Variants in TNR observed in about 807,000 individuals in gnomAD.
The protein encoded by TNR is tenascin R.
Under a neutral mutation model 150.4 loss-of-function variants are expected in TNR, and 45 were observed. That is an observed-to-expected ratio of 0.30 (90% CI 0.24 to 0.38). TNR has a LOEUF of 0.38. TNR is among the 10% of genes least tolerant of loss of function. TNR has a pLI of 1.00. For missense variants in TNR, 1,544 were observed against 1,759.1 expected (o/e 0.88, Z 2.19); for synonymous variants, 687 against 678.4 (o/e 1.01, Z -0.20).
intron 1 of TNR, among the ~76,000 whole-genome samples, chr1:175,577,785 C>T (rs866327292): frequency 6.6e-6 from 1 of 152,106 alleles, no homozygotes; most frequent in South Asian, 2.1e-4. Context: ...CAGAGCAGCA[C>T]GAGGAGGGAA....
At chr1:175,418,747 CAG>C (rs1025055506) in intron 2 of TNR, among the ~76,000 whole-genome samples, 2 of 150,208 alleles carry the variant, frequency 1.3e-5, no homozygotes, top group Non-Finnish European at 2.9e-5. Context: ...GCAGTTGAAG[CAG>C]AGTAGAGAAT....
At chr1:175,573,579 G>T (rs1024415722) in intron 1 of TNR, among the ~76,000 whole-genome samples, 2 of 152,236 alleles carry the variant, frequency 1.3e-5, no homozygotes, top group Admixed American at 6.5e-5. Context: ...TCTGCAAAGT[G>T]GGCAAAGACT....
intron 2 of TNR, among the ~76,000 whole-genome samples, chr1:175,440,696 G>A (rs147660685): frequency 8.5e-4 from 130 of 152,148 alleles, no homozygotes; most frequent in Middle Eastern, 3.4e-3. Flanking sequence ...TTTCAGTGTC[G>A]GGGGAGGATT....
At chr1:175,491,141 T>A (rs1447704636) in intron 2 of TNR, among the ~76,000 whole-genome samples, 1 of 152,212 alleles carries the variant, frequency 6.6e-6, no homozygotes, top group Non-Finnish European at 1.5e-5. Flanking sequence ...TCACTGTATG[T>A]TCTCACTTAT....
intron 1 of TNR, among the ~76,000 whole-genome samples, chr1:175,648,231 A>G (rs1308636270): frequency 6.6e-6 from 1 of 152,144 alleles, no homozygotes; most frequent in African/African-American, 2.4e-5. Flanking sequence ...TGCCGCAGCT[A>G]TGTTTCTACC....
intron 4 of TNR, among the ~76,000 whole-genome samples, chr1:175,399,307 C>G (rs577521779): frequency 3.7e-4 from 57 of 152,266 alleles, no homozygotes; most frequent in Non-Finnish European, 7.2e-4. Flanking sequence ...GCATTTGGAA[C>G]AAATCAGCGT....
chr1:175,654,719 C>CTTTTTTT (rs36087120), intron 1 of TNR, among the ~76,000 whole-genome samples: 6 of 74,732 alleles, frequency 8.0e-5, no homozygotes, highest in Non-Finnish European at 1.2e-4. Context: ...AAGTTCCCTT[C>CTTTTTTT]TTTTTTTTTT....
At chr1:175,411,816 A>G (rs1169969381) in intron 2 of TNR, among the ~76,000 whole-genome samples, 1 of 152,020 alleles carries the variant, frequency 6.6e-6, no homozygotes, top group Admixed American at 6.6e-5. Context: ...TGGGGTTAGG[A>G]CTTCAACACG....
intron 1 of TNR, among the ~76,000 whole-genome samples, chr1:175,730,202 C>T (rs1409141): frequency 0.051 from 7,690 of 152,204 alleles, 605 homozygotes; most frequent in African/African-American, 0.17. Flanking sequence ...TTTCTAGGAC[C>T]CCGAGCCTTT....
intron 1 of TNR, among the ~76,000 whole-genome samples, chr1:175,714,593 C>T (rs1268305559): frequency 6.6e-6 from 1 of 152,234 alleles, no homozygotes; most frequent in Non-Finnish European, 1.5e-5. Context: ...CTAATGCACA[C>T]TGAACCATCC....
chr1:175,565,897 G>A (rs998409250), intron 1 of TNR, among the ~76,000 whole-genome samples: 1 of 152,162 alleles, frequency 6.6e-6, no homozygotes, highest in Non-Finnish European at 1.5e-5. Flanking sequence ...GGAATGAAAG[G>A]CAGGAAGGAT....
chr1:175,356,446 G>T lies in TNR; in HGVS notation c.2991C>A (p.Ile997=). The T allele has an allele frequency of 1.9e-6, 3 of 1,613,996 alleles. No individual in the cohort carries two copies. The highest frequency in any genetic ancestry group is 2.5e-6 in the Non-Finnish European group (3 of 1,179,904). The change falls in exon 16 of 23, where the codon ATC becomes ATA. Residue 997 remains isoleucine (I), a synonymous_variant. Coordinates refer to ENST00000367674, the MANE Select transcript of TNR (RefSeq NM_003285.3). ...ATTCCTCACTGACTCCGTCAACAAG[G>T]ATGGTCTCTCCAGCGACTGAACTCA... ...LTHFAVAGET[I]LVDGVSEEFR... is the part of the protein sequence containing the mutation.
chr1:175,713,641 C>T (rs1195980652), intron 1 of TNR, among the ~76,000 whole-genome samples: 1 of 152,176 alleles, frequency 6.6e-6, no homozygotes, highest in Non-Finnish European at 1.5e-5. Flanking sequence ...CCTAATCTAA[C>T]TTCATTGTCA....
chr1:175,636,391 C>T (rs1198806885), intron 1 of TNR, among the ~76,000 whole-genome samples: 2 of 152,114 alleles, frequency 1.3e-5, no homozygotes, highest in African/African-American at 4.8e-5. Flanking sequence ...AGCCCCCTGC[C>T]CTCTTCTCCA....
chr1:175,529,276 G>A (rs369423367), intron 1 of TNR, among the ~76,000 whole-genome samples: 9 of 152,304 alleles, frequency 5.9e-5, no homozygotes, highest in South Asian at 4.1e-4. Flanking sequence ...AAAATCAGGC[G>A]ACATCTGAGA....
chr1:175,651,478 G>T (rs1664995329), intron 1 of TNR, among the ~76,000 whole-genome samples: 1 of 151,666 alleles, frequency 6.6e-6, no homozygotes, highest in African/African-American at 2.4e-5. Flanking sequence ...TAGTATTGAA[G>T]AATTGTGAAT....
chr1:175,655,094 G>A (rs922006899), intron 1 of TNR, among the ~76,000 whole-genome samples: 1 of 152,064 alleles, frequency 6.6e-6, no homozygotes, highest in African/African-American at 2.4e-5. Flanking sequence ...TTGACGCTGA[G>A]GACTGATTTA....
intron 7 of TNR, among the ~76,000 whole-genome samples, chr1:175,386,824 G>A (rs7541586): frequency 6.6e-6 from 1 of 152,202 alleles, no homozygotes; most frequent in African/African-American, 2.4e-5. Flanking sequence ...CAACACAGTT[G>A]CTAAGACCAT....
At chr1:175,717,371 C>T (rs1250352230) in intron 1 of TNR, among the ~76,000 whole-genome samples, 1 of 152,098 alleles carries the variant, frequency 6.6e-6, no homozygotes, top group Non-Finnish European at 1.5e-5. Context: ...ATTAATCATA[C>T]CCCAAACCTC....
Sources: gnomAD v4.1 joint callset for allele counts (sites outside exome capture counted in the v4.1 genomes callset) on GRCh38, gnomAD v4.1.1 for gene constraint, MANE v1.5 for transcripts, NCBI Gene and HGNC (gene_info 2026-07-23, HGNC 2026-07-21) for gene names.